The following ENO4 variants were observed in gnomAD, a reference collection of about 807,000 sequenced individuals.
The protein encoded by ENO4 is enolase 4, also known as 2-phospho-D-glycerate hydro-lyase.
ENO4 carries 53 observed loss-of-function variants against 63.2 expected under a neutral mutation model. The observed-to-expected ratio is 0.84, with a 90% CI of 0.67 to 1.05. The LOEUF (loss-of-function observed/expected upper bound fraction) is 1.05, where lower values mean the gene tolerates loss of function less well. ENO4 is among the 50% of genes least tolerant of loss of function. The probability of loss-of-function intolerance (pLI) is 0.00; values close to 1 mark genes in which losing one functional copy is unlikely to be tolerated. For synonymous variants in ENO4, 266 were observed against 283.8 expected (o/e 0.94, Z 0.63); for missense variants, 719 against 772.0 (o/e 0.93, Z 0.81).
At chr10:116,876,672 C>G (rs1250778159) in intron 11 of ENO4, among the ~76,000 whole-genome samples, 1 of 152,202 alleles carries the variant, frequency 6.6e-6, no homozygotes, top group Non-Finnish European at 1.5e-5. Context: ...GAAACCTGGC[C>G]GGGCGCAGTG....
At chr10:116,872,068 G>T (rs1846710719) in intron 9 of ENO4, among the ~76,000 whole-genome samples, 2 of 152,140 alleles carry the variant, frequency 1.3e-5, no homozygotes, top group Admixed American at 1.3e-4. Flanking sequence ...GTGGTGGTGG[G>T]CTTCTGTAAT....
chr10:116,890,917 T>C (rs990149958), intron 10 of ENO4, among the ~76,000 whole-genome samples: 1 of 152,270 alleles, frequency 6.6e-6, no homozygotes, highest in African/African-American at 2.4e-5. Context: ...AAAAAGGACA[T>C]CGTTTGCATT....
chr10:116,904,409 G>T (rs940192704), intron 10 of ENO4, among the ~76,000 whole-genome samples: 2 of 151,428 alleles, frequency 1.3e-5, no homozygotes, highest in African/African-American at 2.4e-5. Flanking sequence ...TTTTTTAGAT[G>T]GTAAGAGTTT....
chr10:116,906,215 T>C (rs1847966499), intron 10 of ENO4, among the ~76,000 whole-genome samples: 1 of 152,222 alleles, frequency 6.6e-6, no homozygotes, highest in Non-Finnish European at 1.5e-5. Flanking sequence ...ATTATATAGA[T>C]GAAGAAACTG....
downstream of ENO4, chr10:116,886,479 T>G: frequency 6.2e-7 from 1 of 1,614,168 alleles, no homozygotes; most frequent in Non-Finnish European, 8.5e-7. Flanking sequence ...GGGGTTCATG[T>G]GTAGAAACAG....
At chr10:116,880,967 T>C (rs189398285) in intron 13 of ENO4, among the ~76,000 whole-genome samples, 118 of 152,260 alleles carry the variant, frequency 7.7e-4, no homozygotes, top group Non-Finnish European at 1.4e-3. Flanking sequence ...TATTCCACAA[T>C]AGATTAACAG....
chr10:116,855,625 A>C lies in ENO4; in HGVS notation c.168A>C (p.Ala56=). 6.5e-7 allele frequency: 1 copy of C among 1,536,176 alleles called. No individual in the cohort carries two copies. The highest frequency in any genetic ancestry group is 1.2e-5 in the South Asian group (1 of 84,058). ...LQPADVYGHL[A]NCFSKLAKPP... is the part of the protein sequence containing the mutation. ...TTGTTCTTTTGTGTGTGTTGAAGGCAAACTGCTTTTCTAAACTTGCAAAGC... is the reference window on the plus strand; with the variant it reads ...TTGTTCTTTTGTGTGTGTTGAAGGCCAACTGCTTTTCTAAACTTGCAAAGC... Residue 56 remains alanine (A), a splice_region_variant and synonymous_variant, in exon 2 of 14, where the codon GCA becomes GCC. Coordinates refer to ENST00000341276, the MANE Select transcript of ENO4 (RefSeq NM_001242699.2).
chr10:116,880,405 GA>G (rs1846973175), intron 13 of ENO4, among the ~76,000 whole-genome samples: 2 of 152,174 alleles, frequency 1.3e-5, no homozygotes, highest in African/African-American at 4.8e-5. Context: ...ACATACCTTG[GA>G]AAGATTAAGG....
downstream of ENO4, chr10:116,883,022 C>T (rs1025080614): frequency 6.6e-6 from 1 of 151,636 alleles, no homozygotes; most frequent in Non-Finnish European, 1.5e-5. Flanking sequence ...TGCCCTGGAA[C>T]AGTGATATAA....
intron 10 of ENO4, among the ~76,000 whole-genome samples, chr10:116,897,903 C>A (rs1847577650): frequency 6.6e-6 from 1 of 152,152 alleles, no homozygotes. Flanking sequence ...CCTTGTTACT[C>A]CCCCTCCCGT....
chr10:116,909,881 G>A (rs1017292947), intron 10 of ENO4, among the ~76,000 whole-genome samples: 2 of 151,918 alleles, frequency 1.3e-5, no homozygotes, highest in African/African-American at 4.8e-5. Context: ...GTGTTTTTTG[G>A]TTTCTTGATA....
chr10:116,886,663 G>T (rs1057315179), downstream of ENO4: 4 of 1,519,720 alleles, frequency 2.6e-6, no homozygotes, highest in Non-Finnish European at 3.6e-6. Context: ...AACCCAAAAT[G>T]TTCTAAGTCT....
At chr10:116,878,455 ATGAT>A (rs1414713109) in intron 11 of ENO4, among the ~76,000 whole-genome samples, 13 of 152,324 alleles carry the variant, frequency 8.5e-5, no homozygotes, top group South Asian at 2.1e-4. Context: ...AGACCCTCAA[ATGAT>A]TGATTACTAC....
chr10:116,879,438 G>A (rs1846934710), intron 12 of ENO4, 80 bp downstream of exon 12: 1 of 1,084,962 alleles, frequency 9.2e-7, no homozygotes, highest in Admixed American at 2.4e-5. Context: ...GTCTCTGGTG[G>A]AGAAAGGCAT....
chr10:116,876,343 A>G, intron 11 of ENO4, 83 bp downstream of exon 11: 2 of 1,087,902 alleles, frequency 1.8e-6, no homozygotes, highest in Non-Finnish European at 1.3e-6. Flanking sequence ...CAAAGTTACT[A>G]AAAAGCATGG....
chr10:116,907,918 A>T (rs773741375), intron 10 of ENO4: 6 of 517,800 alleles, frequency 1.2e-5, no homozygotes, highest in Non-Finnish European at 1.9e-5. Context: ...CCTGCCAACT[A>T]CCTGAAGGAT....
intron 11 of ENO4, among the ~76,000 whole-genome samples, chr10:116,878,777 C>A (rs944922225): frequency 1.7e-5 from 2 of 118,864 alleles, no homozygotes; most frequent in Middle Eastern, 8.5e-3. Flanking sequence ...GAGTCTTGCT[C>A]TGTCGCCCAG....
At chr10:116,909,181 G>C (rs756269972) in intron 10 of ENO4, among the ~76,000 whole-genome samples, 1 of 152,076 alleles carries the variant, frequency 6.6e-6, no homozygotes, top group Non-Finnish European at 1.5e-5. Flanking sequence ...TCATTGATAG[G>C]GCTGGATCTA....
chr10:116,881,485 G>C (rs1847009185), intron 13 of ENO4, 30 bp from the exon 14 acceptor site: 2 of 1,497,152 alleles, frequency 1.3e-6, no homozygotes, highest in Non-Finnish European at 1.8e-6. Context: ...CATTGGATTA[G>C]ACAGTAAACT....
Sources: allele counts gnomAD v4.1 joint callset (sites outside exome capture counted in the v4.1 genomes callset), GRCh38; gene constraint gnomAD v4.1.1; transcripts MANE v1.5; gene names NCBI Gene and HGNC (gene_info 2026-07-23, HGNC 2026-07-21).